Variants in WDPCP observed in about 807,000 individuals in gnomAD.
The protein encoded by WDPCP is WD repeat-containing and planar cell polarity effector protein fritz homolog.
Under a neutral mutation model 93.1 loss-of-function variants are expected in WDPCP, and 71 were observed. The observed-to-expected ratio is 0.76, with a 90% CI of 0.63 to 0.93. The LOEUF (loss-of-function observed/expected upper bound fraction) is 0.93, where lower values mean the gene tolerates loss of function less well. Among genes scored for constraint, WDPCP ranks in the 40% least tolerant of loss-of-function variants. WDPCP has a pLI of 0.00. For synonymous variants in WDPCP, 315 were observed against 315.0 expected (o/e 1.00, Z 0.00); for missense variants, 844 against 887.4 (o/e 0.95, Z 0.62).
intron 10 of WDPCP, among the ~76,000 whole-genome samples, chr2:63,386,336 T>G (rs559655059): frequency 6.6e-6 from 1 of 152,040 alleles, no homozygotes; most frequent in South Asian, 2.1e-4. Context: ...TCATAAAATA[T>G]ACATAAAAAA....
At chr2:63,536,048 C>G (rs184992013) in intron 1 of WDPCP, among the ~76,000 whole-genome samples, 1 of 152,118 alleles carries the variant, frequency 6.6e-6, no homozygotes, top group Non-Finnish European at 1.5e-5. Context: ...AAAAACTGGG[C>G]GAAGGATATT....
At chr2:63,295,880 C>CAAAAA (rs59418675) in intron 13 of WDPCP, among the ~76,000 whole-genome samples, 4 of 115,214 alleles carry the variant, frequency 3.5e-5, no homozygotes, top group Non-Finnish European at 5.3e-5. Context: ...GAAACTATTC[C>CAAAAA]AAAAAAAAAA....
chr2:63,381,455 CA>C (rs1340861003), intron 11 of WDPCP, among the ~76,000 whole-genome samples: 1 of 151,578 alleles, frequency 6.6e-6, no homozygotes, highest in Non-Finnish European at 1.5e-5. Flanking sequence ...TTCAGATATA[CA>C]AAAAAAGGAA....
chr2:63,793,141 C>G (rs980043591), intron 2 of WDPCP, among the ~76,000 whole-genome samples: 4 of 151,788 alleles, frequency 2.6e-5, no homozygotes, highest in African/African-American at 9.7e-5. Context: ...GACAGGGTCT[C>G]ATTAAATTGC....
chr2:63,583,604 C>T (rs1708635852), intron 1 of WDPCP, among the ~76,000 whole-genome samples: 1 of 151,828 alleles, frequency 6.6e-6, no homozygotes, highest in African/African-American at 2.4e-5. Flanking sequence ...TTGCTTGAAC[C>T]CAGGAAGTGG....
At chr2:63,732,872 T>G (rs1669581068) in intron 2 of WDPCP, among the ~76,000 whole-genome samples, 2 of 151,914 alleles carry the variant, frequency 1.3e-5, no homozygotes, top group Non-Finnish European at 2.9e-5. Context: ...AACTTGAAAA[T>G]AAAGACTCAG....
intron 12 of WDPCP, among the ~76,000 whole-genome samples, chr2:63,365,421 A>G (rs537144121): frequency 6.6e-6 from 1 of 152,346 alleles, no homozygotes; most frequent in Admixed American, 6.5e-5. Context: ...TTTGAGCTCA[A>G]TAACTACCCT....
chr2:63,167,756 T>C (rs1673090803), intron 15 of WDPCP, among the ~76,000 whole-genome samples: 1 of 152,228 alleles, frequency 6.6e-6, no homozygotes, highest in African/African-American at 2.4e-5. Flanking sequence ...TCATAATATC[T>C]ACATTATTAT....
intron 2 of WDPCP, among the ~76,000 whole-genome samples, chr2:63,657,262 C>T (rs1342585307): frequency 3.5e-5 from 5 of 142,694 alleles, no homozygotes; most frequent in South Asian, 4.4e-4. Flanking sequence ...TGGAGTGCAG[C>T]GGCCCGATCT....
At chr2:63,253,943 C>T (rs1164485614) in intron 14 of WDPCP, among the ~76,000 whole-genome samples, 2 of 152,102 alleles carry the variant, frequency 1.3e-5, no homozygotes, top group African/African-American at 4.8e-5. Flanking sequence ...ATGTTCATCA[C>T]AGCACTACTC....
At chr2:63,186,666 T>C (rs1173040500) in intron 14 of WDPCP, among the ~76,000 whole-genome samples, 1 of 152,218 alleles carries the variant, frequency 6.6e-6, no homozygotes, top group Non-Finnish European at 1.5e-5. Context: ...TCCTCTACCA[T>C]ATCGGGGACT....
chr2:63,463,179 G>A (rs1699132192), intron 6 of WDPCP, among the ~76,000 whole-genome samples: 1 of 151,828 alleles, frequency 6.6e-6, no homozygotes, highest in Non-Finnish European at 1.5e-5. Flanking sequence ...AAGAACAAGG[G>A]GTACTCAGTA....
In WDPCP at chr2:63,575,516, A is replaced by ACAGTG. The variant is rs1558833524; in HGVS notation, c.75+12680_75+12681insCACTG. Among the ~76,000 whole-genome samples the ACAGTG allele has an allele frequency of 1.1e-3, 120 of 107,210 alleles. 4 individuals are homozygous for ACAGTG. The highest frequency in any genetic ancestry group is 1.3e-3 in the Non-Finnish European group (68 of 52,844). The allele number at this position is 107,210 out of a possible 152,430, so 70.3% of individuals were successfully genotyped here. A position where few individuals can be genotyped will look rare whatever the true frequency, so the allele number is the denominator to read the frequency against. ...TATATACAGTATATACACTGTATAT[A>ACAGTG]TAGTATATACAGTATATACACTGTA... is the stretch of plus-strand genomic sequence containing the variant. On this transcript the variant is annotated intron_variant, in intron 1 of 17. Transcript: ENST00000272321.
intron 2 of WDPCP, among the ~76,000 whole-genome samples, chr2:63,708,494 G>T (rs568740747): frequency 2.0e-5 from 3 of 152,132 alleles, no homozygotes; most frequent in African/African-American, 7.2e-5. Context: ...TATTAGGGTG[G>T]GAGTGACCCG....
chr2:63,682,259 A>C (rs72889330), intron 2 of WDPCP, among the ~76,000 whole-genome samples: 15,280 of 152,290 alleles, frequency 0.1, 1,272 homozygotes, highest in African/African-American at 0.23. Context: ...CAAAATAGCT[A>C]TTTTGGGGAA....
chr2:63,145,967 C>A (rs1036988333), intron 17 of WDPCP, among the ~76,000 whole-genome samples: 6 of 152,118 alleles, frequency 3.9e-5, no homozygotes, highest in African/African-American at 1.4e-4. Flanking sequence ...CTTTTTGTAA[C>A]AATTGTGAAT....
chr2:63,162,014 T>C lies in WDPCP; in HGVS notation c.2079-8440A>G, dbSNP rs138699556. Among the ~76,000 whole-genome samples the C allele has an allele frequency of 1.8e-3, 277 of 152,228 alleles. 2 individuals are homozygous for C. Among genetic ancestry groups the C allele is most frequent in the African/African-American group, 6.3e-3 (260 of 41,552 alleles). On this transcript the variant is annotated intron_variant, in intron 15 of 17. Transcript: ENST00000272321. ...TGAACTCCTGACCTCAAGTGATCTG[T>C]GTGCCTCAGCATCCCAAAATGCTGG...
chr2:63,144,260 TTTTA>T (rs1671310401), intron 17 of WDPCP, among the ~76,000 whole-genome samples: 2 of 20,080 alleles, frequency 1.0e-4, no homozygotes, highest in Admixed American at 6.5e-4. Flanking sequence ...CATTTACCCT[TTTTA>T]TTTTATTTTA....
chr2:63,575,479 G>C (rs369497416), intron 1 of WDPCP, among the ~76,000 whole-genome samples: 319 of 2,460 alleles, frequency 0.13, 67 homozygotes, highest in East Asian at 0.3. Context: ...AGTATATACA[G>C]TGTATATATA....
Sources: allele counts gnomAD v4.1 joint callset (sites outside exome capture counted in the v4.1 genomes callset), GRCh38; gene constraint gnomAD v4.1.1; transcripts MANE v1.5; gene names NCBI Gene and HGNC (gene_info 2026-07-23, HGNC 2026-07-21).